MPHOSPH8: variants seen among roughly 807,000 people sequenced by gnomAD.
The protein encoded by MPHOSPH8 is M-phase phosphoprotein 8.
A neutral mutation model predicts 87.3 loss-of-function variants in MPHOSPH8; 45 were observed. The ratio of observed to expected loss-of-function variants is 0.52; its 90% confidence interval spans 0.41 to 0.66. The LOEUF is 0.66. Among genes scored for constraint, MPHOSPH8 ranks in the 30% least tolerant of loss-of-function variants. The pLI, the probability that MPHOSPH8 is intolerant of heterozygous loss-of-function variation, is 0.00. For synonymous variants in MPHOSPH8, 366 were observed against 376.9 expected (o/e 0.97, Z 0.33); for missense variants, 883 against 1,020.2 (o/e 0.87, Z 1.83).
chr13:19,644,739 C>T (rs1356239928), intron 2 of MPHOSPH8, among the ~76,000 whole-genome samples: 1 of 152,174 alleles, frequency 6.6e-6, no homozygotes, highest in Non-Finnish European at 1.5e-5. Flanking sequence ...ATGCCAGTTG[C>T]AGATTCCTTA....
intron 1 of MPHOSPH8, among the ~76,000 whole-genome samples, chr13:19,641,722 C>T (rs1223314413): frequency 1.3e-5 from 2 of 152,082 alleles, no homozygotes; most frequent in Non-Finnish European, 2.9e-5. Context: ...TCTTCAACTC[C>T]TGACCTCAGG....
Position 19,667,196 on chromosome 13 carries a change from AAC to A in MPHOSPH8, c.2174+619_2174+620del, listed in dbSNP as rs1475297519. ...CCACCAAAAAAAGAAAGAAACTTTA[AAC>A]ATTTGTCTTTCTTTTTAATAGACTT... On this transcript the variant is annotated intron_variant, in intron 10 of 13. Coordinates refer to ENST00000361479, the MANE Select transcript of MPHOSPH8 (RefSeq NM_017520.4). Among the ~76,000 whole-genome samples, 3 of 152,272 alleles carry A rather than the reference AAC, an allele frequency of 2.0e-5. No homozygotes were observed. In the East Asian group the frequency reaches 5.8e-4, roughly 29 times the overall value.
At chr13:19,666,388 C>T in intron 9 of MPHOSPH8, 37 bp from the exon 10 acceptor site, 3 of 1,574,582 alleles carry the variant, frequency 1.9e-6, no homozygotes, top group African/African-American at 2.7e-5. Flanking sequence ...CCACAGTTTA[C>T]AGCTAAGTAA....
Position 19,671,036 on chromosome 13 carries a change from G to C in MPHOSPH8, c.2458-170G>C, listed in dbSNP as rs1876097349. 9 of 1,388,752 alleles carry C rather than the reference G, an allele frequency of 6.5e-6. No individual in the cohort carries two copies. The East Asian group carries it at 2.3e-4, about 36-fold the overall frequency. 86.0% of individuals were successfully genotyped at this position (1,388,752 alleles called of 1,614,324 possible). On this transcript the variant is annotated intron_variant, in intron 12 of 13. Coordinates refer to ENST00000361479, the MANE Select transcript of MPHOSPH8 (RefSeq NM_017520.4). Reference sequence around the variant, plus strand: ...GGGTTTCACCATGTTGGCCAGGCTGGTCTCAAACTTCTGGGCTCAAGCGAT... The same window carrying C: ...GGGTTTCACCATGTTGGCCAGGCTGCTCTCAAACTTCTGGGCTCAAGCGAT...
intron 1 of MPHOSPH8, among the ~76,000 whole-genome samples, chr13:19,640,628 G>C (rs986636009): frequency 7.9e-5 from 12 of 151,776 alleles, no homozygotes; most frequent in Admixed American, 5.3e-4. Context: ...ACTTCAGCCT[G>C]TCAAGTATCT....
rs1191969181 is a variant in MPHOSPH8 at position 19,655,778 on chromosome 13, CAAAG to C, written c.1577-3213_1577-3210del. Among the ~76,000 whole-genome samples the C allele has an allele frequency of 2.6e-5, 4 of 152,062 alleles. No individual in the cohort carries two copies. The South Asian group carries it at 8.3e-4, about 32-fold the overall frequency. ...CTAAGGTCTACTCAGTACAGTAAGA[CAAAG>C]AAATAAAAAAGCCATAGGCATTGGA... is the stretch of plus-strand genomic sequence containing the variant. On this transcript the variant is annotated intron_variant, in intron 5 of 13. Transcript: ENST00000361479.
chr13:19,647,216 A>C lies in MPHOSPH8; in HGVS notation c.1143A>C (p.Val381=), dbSNP rs1414643168. The C allele has an allele frequency of 1.2e-5, 19 of 1,614,160 alleles. No homozygotes were observed. The highest frequency in any genetic ancestry group is 1.6e-5 in the Non-Finnish European group (19 of 1,180,022). ...SAAELEKLMP[V]SAQTPKGRRL... Reference sequence around the variant, plus strand: ...CAGAGTTAGAGAAGCTGATGCCTGTATCTGCCCAAACGCCAAAGGGCCGGA... The same window carrying C: ...CAGAGTTAGAGAAGCTGATGCCTGTCTCTGCCCAAACGCCAAAGGGCCGGA... Residue 381 remains valine (V), a synonymous_variant, in exon 3 of 14, where the codon GTA becomes GTC. Coordinates refer to ENST00000361479, the MANE Select transcript of MPHOSPH8 (RefSeq NM_017520.4).
At chr13:19,664,988 C>G (rs1039990291) in intron 9 of MPHOSPH8, among the ~76,000 whole-genome samples, 1 of 152,084 alleles carries the variant, frequency 6.6e-6, no homozygotes, top group Non-Finnish European at 1.5e-5. Context: ...GGTCCACGGG[C>G]TGGCAGCACC....
intron 5 of MPHOSPH8, among the ~76,000 whole-genome samples, chr13:19,653,523 ACTC>A (rs1228751986): frequency 6.6e-6 from 1 of 151,994 alleles, no homozygotes; most frequent in East Asian, 1.9e-4. Flanking sequence ...AAGGATCACA[ACTC>A]CTCGCCAAGG....
At chr13:19,637,615 G>A (rs1231736150) in intron 1 of MPHOSPH8, among the ~76,000 whole-genome samples, 2 of 151,714 alleles carry the variant, frequency 1.3e-5, no homozygotes, top group African/African-American at 2.4e-5. Flanking sequence ...ATGAGCCACC[G>A]CTCCTGGCTC....
chr13:19,634,404 A>G (rs1873877687), intron 1 of MPHOSPH8, among the ~76,000 whole-genome samples: 1 of 152,170 alleles, frequency 6.6e-6, no homozygotes, highest in South Asian at 2.1e-4. Context: ...TTGGAGTAAA[A>G]TCTCAATCTT....
chr13:19,652,190 A>G (rs1444967266), intron 5 of MPHOSPH8, among the ~76,000 whole-genome samples: 2 of 152,226 alleles, frequency 1.3e-5, no homozygotes, highest in African/African-American at 2.4e-5. Flanking sequence ...CGAGATTGAC[A>G]CAGAAAGCAG....
chr13:19,638,779 G>A (rs1593465778), intron 1 of MPHOSPH8, among the ~76,000 whole-genome samples: 1 of 152,116 alleles, frequency 6.6e-6, no homozygotes, highest in South Asian at 2.1e-4. Context: ...TTGGCACTTC[G>A]CTTGGAAAGT....
rs569085286 is a variant in MPHOSPH8 at position 19,673,234 on chromosome 13, T to C, written c.*1359T>C. 2.4e-6 allele frequency: 1 copy of C among 419,740 alleles called. No individual in the cohort carries two copies. Among genetic ancestry groups the C allele is most frequent in the Admixed American group, 3.2e-5 (1 of 31,526 alleles). The allele number at this position is 419,740 out of a possible 1,614,324, so 26.0% of individuals were successfully genotyped here. A position where few individuals can be genotyped will look rare whatever the true frequency, so the allele number is the denominator to read the frequency against. On this transcript the variant is annotated 3_prime_UTR_variant, in exon 14 of 14. Coordinates refer to ENST00000361479, the MANE Select transcript of MPHOSPH8 (RefSeq NM_017520.4). ...CCTCTCTGGGAAGAGTTCCTGCTTC[T>C]GTATGGCAAGCATAAATCAAGCTCA...
intron 13 of MPHOSPH8, 104 bp from the exon 14 acceptor site, chr13:19,671,730 A>G: frequency 1.0e-6 from 1 of 1,003,774 alleles, no homozygotes; most frequent in Non-Finnish European, 1.5e-6. Context: ...ACTTGAAAAT[A>G]TTGCCAAATA....
At chr13:19,653,902 A>G (rs899079017) in intron 5 of MPHOSPH8, among the ~76,000 whole-genome samples, 1 of 152,234 alleles carries the variant, frequency 6.6e-6, no homozygotes, top group Non-Finnish European at 1.5e-5. Context: ...GAAATATGGA[A>G]CTATGTGCAA....
At chr13:19,650,744 A>AT (rs2065380804) in intron 5 of MPHOSPH8, among the ~76,000 whole-genome samples, 1 of 127,272 alleles carries the variant, frequency 7.9e-6, no homozygotes, top group South Asian at 3.0e-4. Flanking sequence ...GTGTACATAC[A>AT]TGTTTATAAC....
intron 5 of MPHOSPH8, among the ~76,000 whole-genome samples, chr13:19,656,801 C>A (rs1177342883): frequency 6.6e-6 from 1 of 151,712 alleles, no homozygotes; most frequent in Non-Finnish European, 1.5e-5. Flanking sequence ...AATAGCAACA[C>A]ATTAAAAGAT....
intron 7 of MPHOSPH8, chr13:19,661,119 C>A (rs117412592): frequency 0.011 from 2,669 of 247,144 alleles, 29 homozygotes; most frequent in Middle Eastern, 0.016. Context: ...AAAAACAACA[C>A]CAACAAAAAA....
Sources: gnomAD v4.1 joint callset for allele counts (sites outside exome capture counted in the v4.1 genomes callset) on GRCh38, gnomAD v4.1.1 for gene constraint, MANE v1.5 for transcripts, NCBI Gene and HGNC (gene_info 2026-07-23, HGNC 2026-07-21) for gene names.